The following CD2AP variants were observed in gnomAD, a reference collection of about 807,000 sequenced individuals.
The protein encoded by CD2AP is CD2 associated protein, also known as CD2-associated protein.
A neutral mutation model predicts 85.1 loss-of-function variants in CD2AP; 46 were observed. That is an observed-to-expected ratio of 0.54 (90% confidence interval 0.43 to 0.69). The LOEUF (loss-of-function observed/expected upper bound fraction) is 0.69. Ranked by LOEUF, CD2AP falls within the 30% of genes least tolerant of loss-of-function variation. The pLI is 0.00. For missense variants in CD2AP, 769 were observed against 729.5 expected (o/e 1.05, Z -0.62); for synonymous variants, 255 against 252.9 (o/e 1.01, Z -0.08).
At chr6:47,556,163 C>T (rs1369139252) in intron 5 of CD2AP, among the ~76,000 whole-genome samples, 6 of 151,112 alleles carry the variant, frequency 4.0e-5, no homozygotes, top group South Asian at 2.1e-4. Flanking sequence ...CCTATCAACC[C>T]GTCATCTACA....
chr6:47,623,253 T>C (rs181782358), intron 17 of CD2AP, among the ~76,000 whole-genome samples: 38 of 152,352 alleles, frequency 2.5e-4, no homozygotes, highest in Admixed American at 2.6e-4. Flanking sequence ...CGTTTAATAA[T>C]GTGCTGTTTG....
At position 47,582,068 on chromosome 6, in the gene CD2AP, G is replaced by GAAAAATCAACACTGGAAC; in HGVS notation, c.1108+4_1108+5insAAAATCAACACTGGAACA. ...TTCTTTAAAGCCTGAAGAAAAGGGT[G>GAAAAATCAACACTGGAAC]AGGCTAATTTTCAACTTTCAAAAAA... On this transcript the variant is annotated splice_donor_region_variant and intron_variant, in intron 11 of 17. Transcript: ENST00000359314. The GAAAAATCAACACTGGAAC allele has an allele frequency of 6.4e-7, 1 of 1,569,438 alleles. No homozygotes were observed. Among genetic ancestry groups the GAAAAATCAACACTGGAAC allele is most frequent in the Non-Finnish European group, 8.8e-7 (1 of 1,139,472 alleles).
chr6:47,596,994 A>AAATGGTTTTACAGAACAGAAAGTAATCGG (rs1768968802), intron 12 of CD2AP, among the ~76,000 whole-genome samples: 1 of 151,612 alleles, frequency 6.6e-6, no homozygotes, highest in South Asian at 2.1e-4. Flanking sequence ...GAATATAAAC[A>AAATGGTTTTACAGAACAGAAAGTAATCGG]TGTTGAAAGC....
At chr6:47,543,173 GA>G (rs1767273767) in intron 3 of CD2AP, among the ~76,000 whole-genome samples, 1 of 88,466 alleles carries the variant, frequency 1.1e-5, no homozygotes, top group Non-Finnish European at 2.5e-5. Flanking sequence ...AAAAAAAAAA[GA>G]AAAAGAAAAA....
intron 12 of CD2AP, 81 bp from the exon 13 acceptor site, chr6:47,599,220 T>A: frequency 8.2e-7 from 1 of 1,212,216 alleles, no homozygotes; most frequent in Non-Finnish European, 1.2e-6. Flanking sequence ...GGCCATACAA[T>A]CTTTAATGTC....
intron 16 of CD2AP, among the ~76,000 whole-genome samples, chr6:47,611,737 C>T (rs1769446898): frequency 6.6e-6 from 1 of 152,004 alleles, no homozygotes; most frequent in Admixed American, 6.6e-5. Flanking sequence ...CCCATTCCTT[C>T]TGTCTCATTC....
chr6:47,507,473 GGGCT>G (rs1389260142), intron 2 of CD2AP, among the ~76,000 whole-genome samples: 8 of 143,076 alleles, frequency 5.6e-5, no homozygotes, highest in Non-Finnish European at 1.2e-4. Flanking sequence ...TACGAAATGT[GGGCT>G]GGAATTTAGT....
chr6:47,576,199 C>T (rs1216967162), intron 6 of CD2AP, among the ~76,000 whole-genome samples: 1 of 152,126 alleles, frequency 6.6e-6, no homozygotes, highest in Non-Finnish European at 1.5e-5. Flanking sequence ...CCTTGGCCTC[C>T]CTAAGTGTTG....
At chr6:47,504,939 G>A (rs2113983015) in intron 2 of CD2AP, among the ~76,000 whole-genome samples, 1 of 151,704 alleles carries the variant, frequency 6.6e-6, no homozygotes, top group South Asian at 2.1e-4. Flanking sequence ...TTTTGCTGGT[G>A]GAGGATTTTG....
chr6:47,576,293 G>A (rs545973119), intron 6 of CD2AP, among the ~76,000 whole-genome samples: 11 of 152,156 alleles, frequency 7.2e-5, no homozygotes, highest in African/African-American at 1.9e-4. Flanking sequence ...TACTATGGAC[G>A]TCAGAGAATA....
rs577881700 is a variant in CD2AP at position 47,608,013 on chromosome 6, A to G, written c.1617A>G (p.Thr539=). 5 of 1,610,320 alleles carry G rather than the reference A, an allele frequency of 3.1e-6. 1 individual carries two copies. The South Asian group carries it at 5.5e-5, about 18-fold the overall frequency. Residue 539 remains threonine, a synonymous_variant, in exon 15 of 18, where the codon ACA becomes ACG. Transcript: ENST00000359314. ...NLKPSELKKD[T]CYSPKPSVYL... ...AGCCATCTGAATTAAAAAAAGATAC[A>G]TGCTACTCTCCAAAGGTGAGGTGCA...
At chr6:47,521,388 C>A (rs557162308) in intron 2 of CD2AP, among the ~76,000 whole-genome samples, 1 of 151,878 alleles carries the variant, frequency 6.6e-6, no homozygotes, top group Non-Finnish European at 1.5e-5. Context: ...CCCGTCTCTA[C>A]TAAATATACA....
chr6:47,621,879 C>A lies in CD2AP; in HGVS notation c.1879-2307C>A, dbSNP rs552611672. ...ATGATCTTTTGTGTCATTCAAGGGA[C>A]CAGCAGTGGGCGGGGCCGTAGAACT... On this transcript the variant is annotated intron_variant, in intron 17 of 17. Transcript: ENST00000359314. Among the ~76,000 whole-genome samples the A allele has an allele frequency of 1.8e-3, 273 of 152,202 alleles. 1 individual carries two copies. Among genetic ancestry groups the A allele is most frequent in the Non-Finnish European group, 2.2e-4 (15 of 68,002 alleles).
At chr6:47,572,409 A>G (rs1033326978) in intron 5 of CD2AP, among the ~76,000 whole-genome samples, 3 of 152,214 alleles carry the variant, frequency 2.0e-5, no homozygotes, top group African/African-American at 7.2e-5. Context: ...CATTCTCTCA[A>G]TGAAGTTGAA....
intron 4 of CD2AP, among the ~76,000 whole-genome samples, chr6:47,552,164 A>G (rs931382167): frequency 3.3e-5 from 5 of 151,596 alleles, no homozygotes; most frequent in Non-Finnish European, 7.4e-5. Context: ...TTTTATTTCA[A>G]TAGGTGTTTG....
intron 2 of CD2AP, 75 bp from the exon 3 acceptor site, chr6:47,533,527 T>A: frequency 7.3e-7 from 1 of 1,373,224 alleles, no homozygotes; most frequent in South Asian, 1.2e-5. Context: ...AGCTATTTTT[T>A]GGTATTTTAC....
rs75392417 is a variant in CD2AP, at chr6:47,574,399, T to G, written c.729+148T>G. 1.3e-3 allele frequency: 874 copies of G among 686,466 alleles called. 7 individuals are homozygous for G. The African/African-American group carries it at 0.014, about 11-fold the overall frequency. The allele number at this position is 686,466 out of a possible 1,614,324, so 42.5% of individuals were successfully genotyped here. A position where few individuals can be genotyped will look rare whatever the true frequency, so the allele number is the denominator to read the frequency against. ...ATGAATGAGGAGGCTGTGAGAAATT[T>G]TGTCTCCAAATTTACAATGATTAAT... On this transcript the variant is annotated intron_variant, in intron 6 of 17. Coordinates refer to ENST00000359314, the MANE Select transcript of CD2AP (RefSeq NM_012120.3).
At chr6:47,598,792 T>C (rs1769023169) in intron 12 of CD2AP, among the ~76,000 whole-genome samples, 1 of 150,608 alleles carries the variant, frequency 6.6e-6, no homozygotes, top group Non-Finnish European at 1.5e-5. Context: ...GACTGCACAT[T>C]GGGTACAGTG....
At chr6:47,568,983 C>T (rs927897277) in intron 5 of CD2AP, among the ~76,000 whole-genome samples, 4 of 151,872 alleles carry the variant, frequency 2.6e-5, no homozygotes, top group African/African-American at 9.7e-5. Flanking sequence ...GGAGGCAGGG[C>T]AATAGTGTCA....
Sources: allele counts gnomAD v4.1 joint callset (sites outside exome capture counted in the v4.1 genomes callset), GRCh38; gene constraint gnomAD v4.1.1; transcripts MANE v1.5; gene names NCBI Gene and HGNC (gene_info 2026-07-23, HGNC 2026-07-21).